STAU2: variants seen among roughly 807,000 people sequenced by gnomAD.
STAU2 encodes staufen double-stranded RNA binding protein 2, also known as double-stranded RNA-binding protein Staufen homolog 2.
Under a neutral mutation model 65.9 loss-of-function variants are expected in STAU2, and 20 were observed. The ratio of observed to expected loss-of-function variants is 0.30; its 90% CI spans 0.21 to 0.44. The LOEUF is 0.44. Among genes scored for constraint, STAU2 ranks in the 20% least tolerant of loss-of-function variants. STAU2 has a pLI of 1.00. For missense variants in STAU2, 558 were observed against 683.9 expected, an observed-to-expected ratio of 0.82 and a Z score of 2.05; for synonymous variants, 232 against 233.9, an observed-to-expected ratio of 0.99 and a Z score of 0.07.
At chr8:73,611,979 AGCCTGGTTT>A (rs1812506908) in intron 9 of STAU2, among the ~76,000 whole-genome samples, 1 of 152,154 alleles carries the variant, frequency 6.6e-6, no homozygotes, top group African/African-American at 2.4e-5. Flanking sequence ...CACCGTGCCC[AGCCTGGTTT>A]GCCTGGTTTA....
intron 5 of STAU2, among the ~76,000 whole-genome samples, chr8:73,677,204 C>G (rs1240007111): frequency 1.3e-5 from 2 of 152,096 alleles, no homozygotes; most frequent in Admixed American, 6.6e-5. Flanking sequence ...AGCATAATAG[C>G]TAAAATTTTG....
At chr8:73,738,259 G>GA (rs1272561527) in intron 3 of STAU2, 25 bp downstream of exon 3, 2 of 1,603,550 alleles carry the variant, frequency 1.2e-6, no homozygotes, top group East Asian at 4.5e-5. Context: ...ATGTAAGCAT[G>GA]AAAAATGCCT....
intron 12 of STAU2, among the ~76,000 whole-genome samples, chr8:73,571,160 T>C (rs866729967): frequency 3.9e-5 from 6 of 152,134 alleles, no homozygotes; most frequent in Admixed American, 1.3e-4. Context: ...GGCCATTACA[T>C]AATGGTAAAG....
chr8:73,607,509 C>T (rs1293998237), intron 9 of STAU2, among the ~76,000 whole-genome samples: 5 of 151,952 alleles, frequency 3.3e-5, no homozygotes, highest in Admixed American at 1.3e-4. Context: ...GCGGGCAGAT[C>T]ACCTGAGGTC....
At chr8:73,674,485 T>C (rs553819645) in intron 5 of STAU2, among the ~76,000 whole-genome samples, 14 of 151,936 alleles carry the variant, frequency 9.2e-5, no homozygotes, top group African/African-American at 2.6e-4. Context: ...GACAAAGTAA[T>C]CTCTATAAAG....
chr8:73,676,647 G>C (rs1478020991), intron 5 of STAU2, among the ~76,000 whole-genome samples: 1 of 152,240 alleles, frequency 6.6e-6, no homozygotes, highest in Non-Finnish European at 1.5e-5. Context: ...CCAGGCTAGA[G>C]TGCAGTGGTG....
intron 13 of STAU2, among the ~76,000 whole-genome samples, chr8:73,498,311 G>A (rs551421139): frequency 1.2e-4 from 18 of 151,876 alleles, no homozygotes; most frequent in Non-Finnish European, 1.9e-4. Flanking sequence ...CCAGCACACT[G>A]CCTGGCATTT....
chr8:73,523,810 A>T (rs1477784314), intron 13 of STAU2, among the ~76,000 whole-genome samples: 1 of 152,186 alleles, frequency 6.6e-6, no homozygotes, highest in South Asian at 2.1e-4. Context: ...GGGCCAAATC[A>T]TAGGAGTTTG....
intron 5 of STAU2, among the ~76,000 whole-genome samples, chr8:73,677,340 T>C (rs1399713649): frequency 6.6e-6 from 1 of 152,142 alleles, no homozygotes; most frequent in Non-Finnish European, 1.5e-5. Context: ...GACCCAACAG[T>C]TCCAATCCTA....
chr8:73,661,746 GATTC>G (rs1429238594), intron 6 of STAU2, among the ~76,000 whole-genome samples: 3 of 152,176 alleles, frequency 2.0e-5, no homozygotes, highest in African/African-American at 7.2e-5. Flanking sequence ...TTGTTTCTGA[GATTC>G]ATGCATATCA....
chr8:73,587,698 C>A (rs1810475464), intron 11 of STAU2, among the ~76,000 whole-genome samples: 1 of 152,074 alleles, frequency 6.6e-6, no homozygotes, highest in Non-Finnish European at 1.5e-5. Context: ...TATTACTTCT[C>A]ATAATATTTA....
chr8:73,654,102 A>G (rs948147869), intron 6 of STAU2, among the ~76,000 whole-genome samples: 1 of 152,186 alleles, frequency 6.6e-6, no homozygotes, highest in Non-Finnish European at 1.5e-5. Flanking sequence ...GTTTATTTTA[A>G]TCATGCTTAT....
At chr8:73,598,323 G>A (rs991227277) in intron 10 of STAU2, among the ~76,000 whole-genome samples, 2 of 151,392 alleles carry the variant, frequency 1.3e-5, no homozygotes, top group Non-Finnish European at 2.9e-5. Flanking sequence ...CACCTTCCGG[G>A]TTCACGCCAT....
intron 4 of STAU2, among the ~76,000 whole-genome samples, chr8:73,704,272 A>G (rs1206621602): frequency 2.0e-5 from 3 of 152,204 alleles, no homozygotes; most frequent in East Asian, 3.8e-4. Context: ...ATAGGAAAAG[A>G]GGGGATGGGG....
chr8:73,683,945 G>GA (rs1220024540), intron 5 of STAU2, among the ~76,000 whole-genome samples: 3 of 152,124 alleles, frequency 2.0e-5, no homozygotes, highest in Admixed American at 2.0e-4. Context: ...AAACACTGCT[G>GA]AAAGAAATCA....
chr8:73,442,000 A>G (rs1818181786), intron 13 of STAU2, among the ~76,000 whole-genome samples: 1 of 152,196 alleles, frequency 6.6e-6, no homozygotes, highest in Non-Finnish European at 1.5e-5. Context: ...ATCTTCTTTT[A>G]GTTACAGCTG....
intron 13 of STAU2, among the ~76,000 whole-genome samples, chr8:73,493,952 G>A (rs565312358): frequency 2.0e-4 from 30 of 151,872 alleles, no homozygotes; most frequent in African/African-American, 6.7e-4. Flanking sequence ...TGTCAAAAGC[G>A]CTTTACTGAG....
chr8:73,687,596 T>C (rs1819021557), intron 5 of STAU2, among the ~76,000 whole-genome samples: 1 of 149,758 alleles, frequency 6.7e-6, no homozygotes, highest in South Asian at 2.1e-4. Context: ...AGAAACAAGG[T>C]CTTGCTATAT....
Position 73,420,674 on chromosome 8 carries a change from G to GGCGACCACC in STAU2, c.*697_*698insGGTGGTCGC. ...GCCCCCTTACTTGCTAAGAGTATATGGAGCTCAAAACCCACAATTGCTTTG... is the reference window on the plus strand; with the variant it reads ...GCCCCCTTACTTGCTAAGAGTATATGGCGACCACCGAGCTCAAAACCCACAATTGCTTTG... On this transcript the variant is annotated 3_prime_UTR_variant, in exon 15 of 15. Coordinates refer to ENST00000524300, the MANE Select transcript of STAU2 (RefSeq NM_001164380.2). The GGCGACCACC allele has an allele frequency of 6.3e-6, 1 of 159,280 alleles. No individual in the cohort carries two copies. Among genetic ancestry groups the GGCGACCACC allele is most frequent in the Admixed American group, 6.0e-5 (1 of 16,700 alleles). The allele number at this position is 159,280 out of a possible 1,614,324, so 9.9% of individuals were successfully genotyped here.
Sources: allele counts gnomAD v4.1 joint callset (sites outside exome capture counted in the v4.1 genomes callset), GRCh38; gene constraint gnomAD v4.1.1; transcripts MANE v1.5; gene names NCBI Gene and HGNC (gene_info 2026-07-23, HGNC 2026-07-21).